OOSP4B: variants seen among roughly 807,000 people sequenced by gnomAD.
OOSP4B encodes oocyte secreted protein family member 4B.
chr11:60,021,734 C>T (rs1854692032), intron 1 of OOSP4B: 1 of 152,248 alleles, frequency 6.6e-6, no homozygotes, highest in African/African-American at 2.4e-5. Flanking sequence ...GTAATCCCAG[C>T]ACTTTGGGAG....
chr11:60,029,302 A>G (rs1266992138), intron 3 of OOSP4B, among the ~76,000 whole-genome samples: 3 of 152,182 alleles, frequency 2.0e-5, no homozygotes, highest in African/African-American at 7.2e-5. Context: ...AGGATGGGGA[A>G]GGGTTGAGAT....
At chr11:60,020,633 T>C (rs1854681263) in intron 1 of OOSP4B, among the ~76,000 whole-genome samples, 1 of 152,176 alleles carries the variant, frequency 6.6e-6, no homozygotes, top group Non-Finnish European at 1.5e-5. Context: ...GGGAGCTGGC[T>C]CTGGCCTTGG....
intron 1 of OOSP4B, 71 bp from the exon 2 acceptor site, chr11:60,023,809 C>A: frequency 2.5e-6 from 1 of 397,792 alleles, no homozygotes; most frequent in South Asian, 1.3e-4. Context: ...ATTTGTCTGT[C>A]AGCACTGATA....
At chr11:60,024,613 C>A (rs982963898) in intron 2 of OOSP4B, among the ~76,000 whole-genome samples, 13 of 152,184 alleles carry the variant, frequency 8.5e-5, no homozygotes, top group African/African-American at 3.1e-4. Flanking sequence ...TAGCTGGGAA[C>A]ATTGTTTATG....
exon 5 of OOSP4B, chr11:60,031,013 C>A (rs1854802795): frequency 5.1e-6 from 2 of 390,154 alleles, no homozygotes; most frequent in Admixed American, 8.9e-5. Context: ...GATATTTATA[C>A]TTTTTAATGA....
intron 3 of OOSP4B, among the ~76,000 whole-genome samples, chr11:60,028,174 T>G (rs1293579692): frequency 1.3e-5 from 2 of 151,650 alleles, no homozygotes; most frequent in African/African-American, 4.8e-5. Flanking sequence ...TGTTTTTTTT[T>G]TCTTTTTTTG....
At chr11:60,017,602 A>G (rs1840674603) in intron 1 of OOSP4B, among the ~76,000 whole-genome samples, 189 bp downstream of exon 1, 1 of 151,602 alleles carries the variant, frequency 6.6e-6, no homozygotes, top group African/African-American at 2.4e-5. Flanking sequence ...GCCTGTTTCT[A>G]TTACTCAGTT....
chr11:60,026,347 A>G (rs1457675167), intron 3 of OOSP4B, among the ~76,000 whole-genome samples: 1 of 152,306 alleles, frequency 6.6e-6, no homozygotes, highest in African/African-American at 2.4e-5. Context: ...TTCCCTCTCC[A>G]TAGGGACATC....
intron 1 of OOSP4B, among the ~76,000 whole-genome samples, chr11:60,022,873 C>T (rs888444995): frequency 2.0e-5 from 3 of 151,958 alleles, no homozygotes; most frequent in Admixed American, 6.6e-5. Context: ...GAAGATTGGA[C>T]TCTGAAACCT....
chr11:60,020,752 AGG>A, intron 1 of OOSP4B, among the ~76,000 whole-genome samples: 1 of 152,334 alleles, frequency 6.6e-6, no homozygotes, highest in East Asian at 1.9e-4. Flanking sequence ...GAGGGCTGTG[AGG>A]GCTGCCAGCA....
chr11:60,020,285 G>C (rs1342003423), intron 1 of OOSP4B, among the ~76,000 whole-genome samples: 1 of 152,202 alleles, frequency 6.6e-6, no homozygotes, highest in East Asian at 1.9e-4. Context: ...ATGGTGGATG[G>C]GACTGGGCAC....
intron 1 of OOSP4B, among the ~76,000 whole-genome samples, chr11:60,019,184 T>C (rs540419760): frequency 1.3e-5 from 2 of 151,944 alleles, no homozygotes; most frequent in Admixed American, 6.5e-5. Flanking sequence ...GATTGCGCCA[T>C]TGCACTCAAG....
chr11:60,025,391 C>T (rs1322245736), intron 3 of OOSP4B, among the ~76,000 whole-genome samples: 1 of 152,196 alleles, frequency 6.6e-6, no homozygotes, highest in African/African-American at 2.4e-5. Context: ...CATTTGTCAA[C>T]TGAGCTTTAT....
intron 1 of OOSP4B, among the ~76,000 whole-genome samples, chr11:60,020,643 G>A (rs1854681378): frequency 6.6e-6 from 1 of 152,232 alleles, no homozygotes; most frequent in African/African-American, 2.4e-5. Context: ...TCTGGCCTTG[G>A]CCAGCCCAGA....
chr11:60,028,628 G>T (rs181984095), intron 3 of OOSP4B, among the ~76,000 whole-genome samples: 1 of 151,898 alleles, frequency 6.6e-6, no homozygotes, highest in African/African-American at 2.4e-5. Context: ...TTCCAGCTAC[G>T]CTGGGGTTTG....
At chr11:60,021,160 G>A (rs977307762) in intron 1 of OOSP4B, among the ~76,000 whole-genome samples, 1 of 152,110 alleles carries the variant, frequency 6.6e-6, no homozygotes, top group African/African-American at 2.4e-5. Flanking sequence ...CTGAATGTTG[G>A]TACCTCTTAG....
intron 1 of OOSP4B, among the ~76,000 whole-genome samples, chr11:60,022,844 C>T (rs1854707634): frequency 6.6e-6 from 1 of 151,920 alleles, no homozygotes; most frequent in African/African-American, 2.4e-5. Flanking sequence ...ATAGCCACAG[C>T]TTCTTCAGGT....
chr11:60,022,607 T>A (rs1384292418), intron 1 of OOSP4B, among the ~76,000 whole-genome samples: 3 of 152,186 alleles, frequency 2.0e-5, no homozygotes, highest in East Asian at 1.9e-4. Flanking sequence ...GTTCTGTAGA[T>A]CCTTGGATAC....
intron 2 of OOSP4B, among the ~76,000 whole-genome samples, chr11:60,024,605 G>A (rs185702137): frequency 1.3e-5 from 2 of 152,274 alleles, no homozygotes; most frequent in Admixed American, 1.3e-4. Flanking sequence ...GATTTTAATA[G>A]CTGGGAACAT....
Sources: allele counts gnomAD v4.1 joint callset (sites outside exome capture counted in the v4.1 genomes callset), GRCh38; gene constraint gnomAD v4.1.1; transcripts MANE v1.5; gene names NCBI Gene and HGNC (gene_info 2026-07-23, HGNC 2026-07-21).